Variants in ATM observed in about 807,000 individuals in gnomAD.
ATM encodes the protein ATM serine/threonine kinase.
Under a neutral mutation model 387.0 loss-of-function variants are expected in ATM, and 308 were observed. That is an observed-to-expected ratio of 0.80 (90% confidence interval 0.73 to 0.87). The LOEUF is 0.87. ATM is among the 40% of genes least tolerant of loss of function. The pLI, the probability that ATM is intolerant of heterozygous loss-of-function variation, is 0.00. For missense variants in ATM, 3,312 were observed against 3,560.9 expected (o/e 0.93, Z 1.78); for synonymous variants, 1,156 against 1,187.3 (o/e 0.97, Z 0.54).
rs144378383 is a variant in ATM, at chr11:108,280,847, T to C, written c.3403-148T>C. On this transcript the variant is annotated intron_variant, in intron 23 of 62. Coordinates refer to ENST00000675843, the MANE Select transcript of ATM (RefSeq NM_000051.4). Reference sequence around the variant, plus strand: ...AGGTATTGGTCCTTACTCTTTCTTGTACCAAAAGACAGAACTAGGATTAGT... The same window carrying C: ...AGGTATTGGTCCTTACTCTTTCTTGCACCAAAAGACAGAACTAGGATTAGT... 53 of 691,592 alleles carry C rather than the reference T, an allele frequency of 7.7e-5. No individual in the cohort carries two copies. The East Asian group carries it at 1.4e-3, about 18-fold the overall frequency. 42.8% of individuals were successfully genotyped at this position (691,592 alleles called of 1,614,324 possible).
intron 29 of ATM, chr11:108,290,003 G>A (rs2082699276): frequency 3.8e-6 from 2 of 523,530 alleles, no homozygotes; most frequent in East Asian, 6.4e-5. Context: ...GGCTACAGGA[G>A]CATACCACCA....
intron 59 of ATM, among the ~76,000 whole-genome samples, chr11:108,348,028 G>A (rs935420853): frequency 6.6e-6 from 1 of 152,148 alleles, no homozygotes; most frequent in Admixed American, 6.5e-5. Flanking sequence ...CTGTACCAGT[G>A]ATATTAGATG....
At chr11:108,359,734 T>C (rs1173393635) in intron 61 of ATM, among the ~76,000 whole-genome samples, 1 of 152,014 alleles carries the variant, frequency 6.6e-6, no homozygotes, top group Non-Finnish European at 1.5e-5. Flanking sequence ...AATAAAGATG[T>C]TCTTTGAAAC....
chr11:108,357,373 C>T (rs921791219), intron 61 of ATM, among the ~76,000 whole-genome samples: 4 of 152,178 alleles, frequency 2.6e-5, no homozygotes, highest in South Asian at 2.1e-4. Context: ...GGGGGAGGGG[C>T]GCCCGCCATT....
Position 108,261,983 on chromosome 11 carries a change from G to T in ATM, c.2466+2908G>T, listed in dbSNP as rs541646069. Among the ~76,000 whole-genome samples, 67 of 152,196 alleles carry T rather than the reference G, an allele frequency of 4.4e-4. 1 individual carries two copies. The highest frequency in any genetic ancestry group is 3.4e-3 in the Middle Eastern group (1 of 294). On this transcript the variant is annotated intron_variant, in intron 16 of 62. Transcript: ENST00000675843. ...AGCCTCCAAGAAATATGGGACTATGGGAAAAGACCAAATCTACGTCTGATT... is the reference window on the plus strand; with the variant it reads ...AGCCTCCAAGAAATATGGGACTATGTGAAAAGACCAAATCTACGTCTGATT...
chr11:108,368,071 C>T lies in ATM; in HGVS notation c.*2563C>T, dbSNP rs146547907. On this transcript the variant is annotated 3_prime_UTR_variant, in exon 63 of 63. Transcript: ENST00000675843. ...ATAACATCATTAATCTACTCTTTAG[C>T]CTTGCATGGTATGCTATGAGGCTCC... 3.8e-4 allele frequency: 79 copies of T among 208,464 alleles called. No individual in the cohort carries two copies. The East Asian group carries it at 5.5e-3, about 15-fold the overall frequency. The allele number at this position is 208,464 out of a possible 1,614,324, so 12.9% of individuals were successfully genotyped here. A position where few individuals can be genotyped will look rare whatever the true frequency, so the allele number is the denominator to read the frequency against.
rs755170556 is a variant in ATM, at chr11:108,326,127, C to T, written c.6877C>T (p.Leu2293=). The T allele has an allele frequency of 6.2e-7, 1 of 1,613,830 alleles. No individual in the cohort carries two copies. Among genetic ancestry groups the T allele is most frequent in the Non-Finnish European group, 8.5e-7 (1 of 1,179,960 alleles). Residue 2293 remains leucine (L), a synonymous_variant, in exon 47 of 63, where the codon CTG becomes TTG. Transcript: ENST00000675843. ...SVSCGVSEWQ[L]EEAQVFWAKK... ...TAGCTGTGGAGTCTCTGAGTGGCAG[C>T]TGGAAGAAGCACAAGTATTCTGGGC...
chr11:108,302,681 G>T (rs1437098232), intron 35 of ATM, among the ~76,000 whole-genome samples, 172 bp from the exon 36 acceptor site: 1 of 151,966 alleles, frequency 6.6e-6, no homozygotes, highest in Non-Finnish European at 1.5e-5. Context: ...ATACCACTCT[G>T]CCTCTTGTAT....
At chr11:108,296,302 G>A (rs1039802927) in intron 32 of ATM, among the ~76,000 whole-genome samples, 1 of 151,282 alleles carries the variant, frequency 6.6e-6, no homozygotes, top group African/African-American at 2.4e-5. Flanking sequence ...CCAGGTTGGA[G>A]TGCAGTGGCA....
chr11:108,296,678 C>A (rs946653012), intron 32 of ATM, among the ~76,000 whole-genome samples: 11 of 152,230 alleles, frequency 7.2e-5, no homozygotes, highest in Non-Finnish European at 1.6e-4. Flanking sequence ...AATAGAAACA[C>A]CATTATTTCT....
In ATM at chr11:108,329,115, A is replaced by T. The variant is rs1555122090; in HGVS notation, c.7184A>T (p.Asp2395Val). The T allele has an allele frequency of 8.1e-6, 13 of 1,614,128 alleles. No individual in the cohort carries two copies. The highest frequency in any genetic ancestry group is 1.1e-5 in the Non-Finnish European group (13 of 1,179,984). ...TTTCTCTCATTAGCCCGGTTTTCAG[A>T]TACTCAATACCAAAGAATTGAAAAC... is the stretch of plus-strand genomic sequence containing the variant. Reference protein sequence around the residue: ...KAFLSLARFSDTQYQRIENYM... With the variant: ...KAFLSLARFSVTQYQRIENYM... The change falls in exon 49 of 63, where the codon GAT (aspartate) becomes GTT (valine). Residue 2395 changes from aspartate (D) to valine (V), a missense_variant. Coordinates refer to ENST00000675843, the MANE Select transcript of ATM (RefSeq NM_000051.4).
chr11:108,339,657 TGA>T (rs1483336175), intron 56 of ATM, among the ~76,000 whole-genome samples: 1 of 152,124 alleles, frequency 6.6e-6, no homozygotes, highest in African/African-American at 2.4e-5. Flanking sequence ...ACATCACAGT[TGA>T]GACTCTAAGC....
chr11:108,290,661 A>AAAAG (rs1415767653), intron 29 of ATM: 5 of 133,050 alleles, frequency 3.8e-5, no homozygotes, highest in Admixed American at 8.3e-5. Context: ...AAAAAAAAAA[A>AAAAG]AAAAAAGAAA....
intron 61 of ATM, among the ~76,000 whole-genome samples, chr11:108,358,106 T>C (rs1422866527): frequency 3.3e-5 from 5 of 150,818 alleles, no homozygotes; most frequent in Admixed American, 1.3e-4. Flanking sequence ...TTAAAGGAGC[T>C]GATGGAGCTG....
At chr11:108,282,460 C>G (rs1185886657) in intron 24 of ATM, among the ~76,000 whole-genome samples, 3 of 151,802 alleles carry the variant, frequency 2.0e-5, no homozygotes, top group African/African-American at 7.3e-5. Context: ...TAAGTATAAC[C>G]AAATGTTGGA....
intron 5 of ATM, among the ~76,000 whole-genome samples, chr11:108,242,210 G>A (rs2079599016): frequency 6.6e-6 from 1 of 152,050 alleles, no homozygotes; most frequent in Admixed American, 6.6e-5. Flanking sequence ...GATATTCAAA[G>A]GATAATAAGG....
chr11:108,285,799 G>A (rs2082459693), intron 26 of ATM, among the ~76,000 whole-genome samples: 1 of 152,100 alleles, frequency 6.6e-6, no homozygotes, highest in African/African-American at 2.4e-5. Flanking sequence ...TATGGAATTT[G>A]AGAGAGATAC....
At chr11:108,276,820 T>C (rs1047909106) in intron 22 of ATM, among the ~76,000 whole-genome samples, 5 of 152,144 alleles carry the variant, frequency 3.3e-5, no homozygotes, top group Admixed American at 2.0e-4. Context: ...GGGAGGTGTC[T>C]CCCAGTCAGG....
chr11:108,324,019 A>G (rs1284341965), intron 45 of ATM, among the ~76,000 whole-genome samples: 4 of 151,040 alleles, frequency 2.6e-5, no homozygotes, highest in Non-Finnish European at 5.9e-5. Context: ...ACAGGTTTCC[A>G]TCTATGGATT....
Sources: allele counts gnomAD v4.1 joint callset (sites outside exome capture counted in the v4.1 genomes callset), GRCh38; gene constraint gnomAD v4.1.1; transcripts MANE v1.5; gene names NCBI Gene and HGNC (gene_info 2026-07-23, HGNC 2026-07-21).